The following ACTR3B variants were observed in gnomAD, a reference collection of about 807,000 sequenced individuals.
The protein encoded by ACTR3B is actin related protein 3B, also known as actin-related protein 3B.
A neutral mutation model predicts 59.0 loss-of-function variants in ACTR3B; 8 were observed. That is an observed-to-expected ratio of 0.14 (90% CI 0.08 to 0.24). The LOEUF is 0.24. ACTR3B is among the 10% of genes least tolerant of loss of function. The probability of loss-of-function intolerance (pLI) is 1.00; values close to 1 mark genes in which losing one functional copy is unlikely to be tolerated. For missense variants in ACTR3B, 245 were observed against 552.3 expected (o/e 0.44, Z 5.58); for synonymous variants, 148 against 197.9 (o/e 0.75, Z 2.12).
intron 9 of ACTR3B, among the ~76,000 whole-genome samples, chr7:152,828,598 A>G (rs1447396266): frequency 6.6e-6 from 1 of 152,188 alleles, no homozygotes; most frequent in African/African-American, 2.4e-5. Flanking sequence ...GTTAGAAGAC[A>G]TGCTGCAAAT....
At chr7:152,768,909 A>C (rs1431495075) in intron 1 of ACTR3B, among the ~76,000 whole-genome samples, 3 of 151,726 alleles carry the variant, frequency 2.0e-5, no homozygotes, top group Non-Finnish European at 1.5e-5. Context: ...GCTGGAGTGC[A>C]GTGGCGTGAT....
At chr7:152,849,173 C>T (rs1798599288) in intron 9 of ACTR3B, among the ~76,000 whole-genome samples, 1 of 152,176 alleles carries the variant, frequency 6.6e-6, no homozygotes, top group Non-Finnish European at 1.5e-5. Flanking sequence ...GGACAGACTG[C>T]AGAGTTCTCA....
chr7:152,765,519 G>A (rs1031465160), intron 1 of ACTR3B, among the ~76,000 whole-genome samples: 1 of 151,336 alleles, frequency 6.6e-6, no homozygotes, highest in Non-Finnish European at 1.5e-5. Context: ...TCAGGAGAAC[G>A]GCCCAGTTCT....
chr7:152,805,454 A>C (rs942651762), intron 4 of ACTR3B, among the ~76,000 whole-genome samples: 20 of 152,198 alleles, frequency 1.3e-4, no homozygotes, highest in African/African-American at 4.3e-4. Flanking sequence ...TGGAAAATTA[A>C]CTCTGATTAC....
intron 4 of ACTR3B, among the ~76,000 whole-genome samples, chr7:152,808,085 C>T (rs940571743): frequency 2.0e-5 from 3 of 152,196 alleles, no homozygotes; most frequent in African/African-American, 7.2e-5. Flanking sequence ...TGTCTCTATA[C>T]ATTTGATGAC....
chr7:152,827,032 A>G (rs1796629085), intron 9 of ACTR3B, among the ~76,000 whole-genome samples: 1 of 150,800 alleles, frequency 6.6e-6, no homozygotes, highest in Non-Finnish European at 1.5e-5. Context: ...CCCGTGCTGG[A>G]GTGCAGTGGC....
At chr7:152,802,177 G>A (rs1001912356) in intron 4 of ACTR3B, among the ~76,000 whole-genome samples, 1 of 151,946 alleles carries the variant, frequency 6.6e-6, no homozygotes, top group African/African-American at 2.4e-5. Flanking sequence ...TGCCTAACCT[G>A]GTTAGAGCAA....
At chr7:152,853,398 C>T (rs1185230974) in intron 10 of ACTR3B, 96 bp from the exon 11 acceptor site, 5 of 1,066,320 alleles carry the variant, frequency 4.7e-6, no homozygotes, top group African/African-American at 1.6e-5. Flanking sequence ...AAGAGGAGGG[C>T]GGCCCTGGGT....
intron 9 of ACTR3B, among the ~76,000 whole-genome samples, chr7:152,847,251 G>A (rs979558379): frequency 5.3e-5 from 8 of 152,186 alleles, no homozygotes; most frequent in Admixed American, 6.5e-5. Flanking sequence ...GCTGCAGTCC[G>A]CTCCGCAGGG....
At chr7:152,839,433 C>G (rs1194701839) in intron 9 of ACTR3B, among the ~76,000 whole-genome samples, 1 of 145,532 alleles carries the variant, frequency 6.9e-6, no homozygotes, top group East Asian at 2.0e-4. Flanking sequence ...CTTGATCTCA[C>G]TGTGCCTCAG....
intron 1 of ACTR3B, among the ~76,000 whole-genome samples, chr7:152,767,677 G>T (rs2098114313): frequency 1.3e-5 from 2 of 152,086 alleles, no homozygotes; most frequent in African/African-American, 4.8e-5. Context: ...TAGGAATATT[G>T]TGGTGTTTCT....
At chr7:152,835,055 GT>G (rs202099282) in intron 9 of ACTR3B, among the ~76,000 whole-genome samples, 4,643 of 146,978 alleles carry the variant, frequency 0.032, 95 homozygotes, top group Middle Eastern at 0.1. Flanking sequence ...TGAATTAAGT[GT>G]TTTTTTTTTT....
At chr7:152,806,815 T>C (rs1474475001) in intron 4 of ACTR3B, among the ~76,000 whole-genome samples, 1 of 152,256 alleles carries the variant, frequency 6.6e-6, no homozygotes, top group Non-Finnish European at 1.5e-5. Context: ...TTTCTGGGCC[T>C]GTTGCCATTT....
chr7:152,825,346 C>T (rs987640516), intron 9 of ACTR3B, among the ~76,000 whole-genome samples: 4 of 152,148 alleles, frequency 2.6e-5, no homozygotes, highest in African/African-American at 9.7e-5. Context: ...GACTCTTGCT[C>T]TGTCACCCGG....
At chr7:152,767,868 A>C (rs1437396835) in intron 1 of ACTR3B, among the ~76,000 whole-genome samples, 1 of 152,060 alleles carries the variant, frequency 6.6e-6, no homozygotes, top group East Asian at 1.9e-4. Context: ...GCTTTACAGA[A>C]TGCTCATATT....
intron 1 of ACTR3B, among the ~76,000 whole-genome samples, chr7:152,767,281 A>G (rs1229300676): frequency 6.6e-6 from 1 of 152,072 alleles, no homozygotes; most frequent in East Asian, 1.9e-4. Context: ...TGCTGCCTTT[A>G]TCATATGCTG....
At chr7:152,823,297 T>G in intron 7 of ACTR3B, 45 bp from the exon 8 acceptor site, 7 of 1,602,284 alleles carry the variant, frequency 4.4e-6, no homozygotes, top group Non-Finnish European at 6.0e-6. Context: ...GCAGAGACAC[T>G]GGGCAGTTGT....
chr7:152,832,169 G>A (rs1373794112), intron 9 of ACTR3B, among the ~76,000 whole-genome samples: 1 of 152,110 alleles, frequency 6.6e-6, no homozygotes, highest in Non-Finnish European at 1.5e-5. Context: ...TTGACAAGTG[G>A]GAGGAAAAGG....
In ACTR3B at chr7:152,827,717, G is replaced by A. The variant is rs566005004; in HGVS notation, c.951+2595G>A. ...GCCGTCACGTGGGCCAGCCTCCACC[G>A]GGCACTGGAAGCGGGAGGGTGATAG... On this transcript the variant is annotated intron_variant, in intron 9 of 11. Transcript: ENST00000256001. Among the ~76,000 whole-genome samples, 5 of 152,168 alleles carry A rather than the reference G, an allele frequency of 3.3e-5. No individual in the cohort carries two copies. In the East Asian group the frequency reaches 7.8e-4, roughly 24 times the overall value.
Sources: allele counts gnomAD v4.1 joint callset (sites outside exome capture counted in the v4.1 genomes callset), GRCh38; gene constraint gnomAD v4.1.1; transcripts MANE v1.5; gene names NCBI Gene and HGNC (gene_info 2026-07-23, HGNC 2026-07-21).